C16orf86: variants seen among roughly 807,000 people sequenced by gnomAD.
C16orf86 encodes the protein uncharacterized protein C16orf86.
C16orf86 carries 19 observed loss-of-function variants against 21.5 expected under a neutral mutation model. The ratio of observed to expected loss-of-function variants is 0.88; its 90% CI spans 0.62 to 1.30. C16orf86 has a LOEUF of 1.30. Among genes scored for constraint, C16orf86 ranks in the 50% most tolerant of loss-of-function variants. The pLI is 0.00. For synonymous variants in C16orf86, 188 were observed against 183.5 expected, an observed-to-expected ratio of 1.02 and a Z score of -0.20; for missense variants, 391 against 415.8, an observed-to-expected ratio of 0.94 and a Z score of 0.52.
chr16:67,668,254 A>C lies in C16orf86; in HGVS notation c.608A>C (p.Glu203Ala), dbSNP rs1162119007. 11 of 1,604,984 alleles carry C rather than the reference A, an allele frequency of 6.9e-6. No homozygotes were observed. Among genetic ancestry groups the C allele is most frequent in the African/African-American group, 1.3e-5 (1 of 74,872 alleles). Reference sequence around the variant, plus strand: ...CAGTACGTCAACTATTGCAACCCTGAGCTGAACCAGGCAGGGAAGGGGGAC... The same window carrying C: ...CAGTACGTCAACTATTGCAACCCTGCGCTGAACCAGGCAGGGAAGGGGGAC... ...LYQYVNYCNP[E>A]LNQAGKGDGE... The change falls in exon 4 of 4, where the codon GAG becomes GCG. Residue 203 changes from glutamate to alanine, a missense_variant. Coordinates refer to ENST00000403458, the MANE Select transcript of C16orf86 (RefSeq NM_001012984.3).
At position 67,667,997 on chromosome 16, in the gene C16orf86, A is replaced by C. The variant is rs1407438735; in HGVS notation, c.452A>C (p.Lys151Thr). ...DSQSEPSPSA[K>T]QHKKAKKRKS... is the part of the protein sequence containing the mutation. Reference sequence around the variant, plus strand: ...CAGAGTGAGCCCTCACCATCTGCCAAACAGCACAAAAAAGCCAAGAAGCGC... The same window carrying C: ...CAGAGTGAGCCCTCACCATCTGCCACACAGCACAAAAAAGCCAAGAAGCGC... Residue 151 changes from lysine (K) to threonine (T), a missense_variant, in exon 3 of 4, where the codon AAA becomes ACA. Coordinates refer to ENST00000403458, the MANE Select transcript of C16orf86 (RefSeq NM_001012984.3). The C allele has an allele frequency of 6.2e-7, 1 of 1,613,590 alleles. No individual in the cohort carries two copies. Among genetic ancestry groups the C allele is most frequent in the African/African-American group, 1.3e-5 (1 of 75,066 alleles).
At position 67,667,008 on chromosome 16, in the gene C16orf86, A is replaced by G; in HGVS notation, c.38A>G (p.Gln13Arg). 2.1e-6 allele frequency: 3 copies of G among 1,453,624 alleles called. No homozygotes were observed. Among genetic ancestry groups the G allele is most frequent in the Non-Finnish European group, 2.7e-6 (3 of 1,110,658 alleles). The allele number at this position is 1,453,624 out of a possible 1,614,324, so 90.0% of individuals were successfully genotyped here. A position where few individuals can be genotyped will look rare whatever the true frequency, so the allele number is the denominator to read the frequency against. Residue 13 changes from glutamine to arginine, a missense_variant, in exon 1 of 4, where the codon CAG (glutamine) becomes CGG (arginine). Gln to Arg is a conservative substitution (Grantham distance 43). Transcript: ENST00000403458. The part of the protein sequence containing the change: ...SAGAERRPGV[Q>R]EATVVGQGQL... ...GGGGCGGAGAGGCGGCCGGGGGTCC[A>G]GGAGGCGACGGTCGTGGGGCAGGGA... is the stretch of plus-strand genomic sequence containing the variant.
In C16orf86 at chr16:67,668,099, G is replaced by C. The variant is rs1323906258; in HGVS notation, c.553+1G>C. 2 of 1,612,122 alleles carry C rather than the reference G, an allele frequency of 1.2e-6. No individual in the cohort carries two copies. The highest frequency in any genetic ancestry group is 2.7e-5 in the African/African-American group (2 of 74,900). ...CCCTTAGAGACATTGAGGCTGGAGC[G>C]TGAGTGGCAGTCCCTGGACTGTTCC... On this transcript the variant is annotated splice_donor_variant, in intron 3 of 3. Coordinates refer to ENST00000403458, the MANE Select transcript of C16orf86 (RefSeq NM_001012984.3). LOFTEE classifies it high-confidence loss of function.
At position 67,668,285 on chromosome 16, in the gene C16orf86, G is replaced by A; in HGVS notation, c.639G>A (p.Glu213=). ...ELNQAGKGDG[E]AEVEAEAELA... ...ACCAGGCAGGGAAGGGGGACGGGGA[G>A]GCTGAGGTGGAGGCAGAGGCAGAGC... Residue 213 remains glutamate (E), a synonymous_variant, in exon 4 of 4, where the codon GAG becomes GAA. Coordinates refer to ENST00000403458, the MANE Select transcript of C16orf86 (RefSeq NM_001012984.3). 1 of 1,611,562 alleles carries A rather than the reference G, an allele frequency of 6.2e-7. No individual in the cohort carries two copies. Among genetic ancestry groups the A allele is most frequent in the Non-Finnish European group, 8.5e-7 (1 of 1,179,252 alleles).
intron 2 of C16orf86, 125 bp from the exon 3 acceptor site, chr16:67,667,753 G>T: frequency 6.6e-7 from 1 of 1,515,768 alleles, no homozygotes; most frequent in Non-Finnish European, 8.8e-7. Flanking sequence ...TGGGCCTGGG[G>T]TCTCATTGAC....
At position 67,667,963 on chromosome 16, in the gene C16orf86, G is replaced by T. The variant is rs2053127056; in HGVS notation, c.418G>T (p.Glu140Ter). 6.2e-7 allele frequency: 1 copy of T among 1,613,434 alleles called. No homozygotes were observed. The change falls in exon 3 of 4, where the codon GAG (glutamate) becomes TAG (stop). Residue 140 changes from glutamate to a stop codon, truncating the protein, a stop_gained. Transcript: ENST00000403458. LOFTEE classifies it high-confidence loss of function. ...PKLPLQEEEP[E>*]DSQSEPSPSA... ...GCTGCCGCTGCAGGAGGAGGAGCCA[G>T]AGGACAGCCAGAGTGAGCCCTCACC... is the stretch of plus-strand genomic sequence containing the variant.
Position 67,667,302 on chromosome 16 carries a change from G to A in C16orf86, c.109G>A (p.Val37Met). 1 of 1,608,894 alleles carries A rather than the reference G, an allele frequency of 6.2e-7. No homozygotes were observed. The highest frequency in any genetic ancestry group is 8.5e-7 in the Non-Finnish European group (1 of 1,177,914). The change falls in exon 2 of 4, where the codon GTG becomes ATG. Residue 37 changes from valine (V) to methionine (M), a missense_variant. Val to Met is a conservative substitution (Grantham distance 21). Coordinates refer to ENST00000403458, the MANE Select transcript of C16orf86 (RefSeq NM_001012984.3). ...PGSAQTSECP[V>M]AGDQFLVPAH... ...GCCTGTGTGTCATCTCTAGTGTCCA[G>A]TGGCGGGAGACCAGTTCCTGGTGCC...
Position 67,667,996 on chromosome 16 carries a change from A to C in C16orf86, c.451A>C (p.Lys151Gln), listed in dbSNP as rs1567649436. 4 of 1,613,608 alleles carry C rather than the reference A, an allele frequency of 2.5e-6. No individual in the cohort carries two copies. Among genetic ancestry groups the C allele is most frequent in the Non-Finnish European group, 3.4e-6 (4 of 1,179,876 alleles). ...CCAGAGTGAGCCCTCACCATCTGCC[A>C]AACAGCACAAAAAAGCCAAGAAGCG... Reference protein sequence around the residue: ...DSQSEPSPSAKQHKKAKKRKS... With the variant: ...DSQSEPSPSAQQHKKAKKRKS... The change falls in exon 3 of 4, where the codon AAA (lysine) becomes CAA (glutamine). Residue 151 changes from lysine to glutamine, a missense_variant. Coordinates refer to ENST00000403458, the MANE Select transcript of C16orf86 (RefSeq NM_001012984.3).
Position 67,667,998 on chromosome 16 carries a change from A to G in C16orf86, c.453A>G (p.Lys151=). ...DSQSEPSPSA[K]QHKKAKKRKS... ...AGAGTGAGCCCTCACCATCTGCCAA[A>G]CAGCACAAAAAAGCCAAGAAGCGCA... The change falls in exon 3 of 4, where the codon AAA becomes AAG. Residue 151 remains lysine, a synonymous_variant. Coordinates refer to ENST00000403458, the MANE Select transcript of C16orf86 (RefSeq NM_001012984.3). 1 of 1,613,588 alleles carries G rather than the reference A, an allele frequency of 6.2e-7. No individual in the cohort carries two copies. The highest frequency in any genetic ancestry group is 1.3e-5 in the African/African-American group (1 of 75,070).
At position 67,668,704 on chromosome 16, in the gene C16orf86, C is replaced by A; in HGVS notation, c.*104C>A. On this transcript the variant is annotated 3_prime_UTR_variant, in exon 4 of 4. Transcript: ENST00000403458. Reference sequence around the variant, plus strand: ...GTGGCGGGGGCAAATTTGGCACCTGCCCCCACTTGGGACTTTGGTCTTGCT... The same window carrying A: ...GTGGCGGGGGCAAATTTGGCACCTGACCCCACTTGGGACTTTGGTCTTGCT... 2 of 918,432 alleles carry A rather than the reference C, an allele frequency of 2.2e-6. No individual in the cohort carries two copies. The highest frequency in any genetic ancestry group is 1.4e-5 in the South Asian group (1 of 69,288). 56.9% of individuals were successfully genotyped at this position (918,432 alleles called of 1,614,324 possible).
At position 67,668,521 on chromosome 16, in the gene C16orf86, C is replaced by A; in HGVS notation, c.875C>A (p.Ser292Ter). 6.2e-7 allele frequency: 1 copy of A among 1,613,466 alleles called. No homozygotes were observed. ...GACCACAAGGCCGAGGTGGATAAGT[C>A]AACCCAGGTGGACATCGACAAGATG... Reference protein sequence around the residue: ...VSDHKAEVDKSTQVDIDKMLS... With the variant: ...VSDHKAEVDK The change falls in exon 4 of 4, where the codon TCA (serine) becomes TAA (stop). Residue 292 changes from serine to a stop codon, truncating the protein, a stop_gained. Transcript: ENST00000403458. LOFTEE classifies it high-confidence loss of function.
At chr16:67,667,646 C>T (rs201239488) in intron 2 of C16orf86, 121 bp downstream of exon 2, 40 of 1,543,000 alleles carry the variant, frequency 2.6e-5, no homozygotes, top group Middle Eastern at 3.3e-4. Context: ...TACCATCACT[C>T]TCCTCCCGTT....
In C16orf86 at chr16:67,667,389, T is replaced by G; in HGVS notation, c.196T>G (p.Ser66Ala). 6.2e-7 allele frequency: 1 copy of G among 1,611,464 alleles called. No individual in the cohort carries two copies. Among genetic ancestry groups the G allele is most frequent in the Non-Finnish European group, 8.5e-7 (1 of 1,179,630 alleles). The change falls in exon 2 of 4, where the codon TCG (serine) becomes GCG (alanine). Residue 66 changes from serine (S) to alanine (A), a missense_variant. Coordinates refer to ENST00000403458, the MANE Select transcript of C16orf86 (RefSeq NM_001012984.3). ...DQRPAGAASE[S>A]ELQEEGPKLG... is the part of the protein sequence containing the mutation. ...GCGCCCAGCAGGCGCAGCTTCGGAG[T>G]CGGAGCTCCAGGAGGAAGGACCCAA...
Position 67,666,950 on chromosome 16 carries a change from A to T in C16orf86, c.-21A>T. 2 of 1,419,676 alleles carry T rather than the reference A, an allele frequency of 1.4e-6. No individual in the cohort carries two copies. Among genetic ancestry groups the T allele is most frequent in the Non-Finnish European group, 1.8e-6 (2 of 1,089,158 alleles). The allele number at this position is 1,419,676 out of a possible 1,614,324, so 87.9% of individuals were successfully genotyped here. ...GGCCCGCCCCAAGCAGCTGTCGAGG[A>T]CGCACTCAGCCTGCGCAGCCATGGC... On this transcript the variant is annotated 5_prime_UTR_variant, in exon 1 of 4. Transcript: ENST00000403458.
chr16:67,668,280 G>T lies in C16orf86; in HGVS notation c.634G>T (p.Gly212Trp), dbSNP rs373016602. The T allele has an allele frequency of 6.2e-7, 1 of 1,610,608 alleles. No individual in the cohort carries two copies. Among genetic ancestry groups the T allele is most frequent in the Admixed American group, 1.7e-5 (1 of 59,768 alleles). Reference protein sequence around the residue: ...PELNQAGKGDGEAEVEAEAEL... With the variant: ...PELNQAGKGDWEAEVEAEAEL... ...GCTGAACCAGGCAGGGAAGGGGGACGGGGAGGCTGAGGTGGAGGCAGAGGC... is the reference window on the plus strand; with the variant it reads ...GCTGAACCAGGCAGGGAAGGGGGACTGGGAGGCTGAGGTGGAGGCAGAGGC... Residue 212 changes from glycine (G) to tryptophan (W), a missense_variant, in exon 4 of 4, where the codon GGG (glycine) becomes TGG (tryptophan). Transcript: ENST00000403458.
Position 67,668,029 on chromosome 16 carries a change from C to T in C16orf86, c.484C>T (p.Leu162=). The change falls in exon 3 of 4, where the codon CTG becomes TTG. Residue 162 remains leucine (L), a synonymous_variant. Transcript: ENST00000403458. ...CAAAAAAGCCAAGAAGCGCAAGAGCCTGGGGGCTCCCGTGCTCCACGCTGT... is the reference window on the plus strand; with the variant it reads ...CAAAAAAGCCAAGAAGCGCAAGAGCTTGGGGGCTCCCGTGCTCCACGCTGT... ...QHKKAKKRKS[L]GAPVLHAVAS... 1 of 1,613,524 alleles carries T rather than the reference C, an allele frequency of 6.2e-7. No homozygotes were observed. The highest frequency in any genetic ancestry group is 8.5e-7 in the Non-Finnish European group (1 of 1,179,878).
chr16:67,668,133 C>A (rs1446158011), intron 3 of C16orf86, 35 bp downstream of exon 3: 2 of 1,599,232 alleles, frequency 1.3e-6, no homozygotes, highest in African/African-American at 2.7e-5. Context: ...CCTTCTCCCC[C>A]TGCCTGTGGG....
In C16orf86 at chr16:67,666,913, C is replaced by A. The variant is rs1005797462; in HGVS notation, c.-58C>A. The A allele has an allele frequency of 1.9e-5, 24 of 1,230,998 alleles. No homozygotes were observed. The highest frequency in any genetic ancestry group is 2.5e-5 in the Non-Finnish European group (23 of 928,156). 76.3% of individuals were successfully genotyped at this position (1,230,998 alleles called of 1,614,324 possible). A position where few individuals can be genotyped will look rare whatever the true frequency, so the allele number is the denominator to read the frequency against. On this transcript the variant is annotated 5_prime_UTR_variant, in exon 1 of 4. Coordinates refer to ENST00000403458, the MANE Select transcript of C16orf86 (RefSeq NM_001012984.3). ...TCCGGGGTCAGCGCGGGGCCACCAT[C>A]CAGCCCCTTGGGGCCCGCCCCAAGC...
chr16:67,668,489 G>A lies in C16orf86; in HGVS notation c.843G>A (p.Gly281=). The A allele has an allele frequency of 6.2e-7, 1 of 1,613,252 alleles. No homozygotes were observed. The highest frequency in any genetic ancestry group is 8.5e-7 in the Non-Finnish European group (1 of 1,179,840). Residue 281 remains glycine, a synonymous_variant, in exon 4 of 4, where the codon GGG becomes GGA. Transcript: ENST00000403458. ...GEEPGGLPSL[G]VSDHKAEVDK... ...AGCCTGGGGGCTTGCCCAGCTTGGGGGTGAGTGACCACAAGGCCGAGGTGG... is the reference window on the plus strand; with the variant it reads ...AGCCTGGGGGCTTGCCCAGCTTGGGAGTGAGTGACCACAAGGCCGAGGTGG...
Sources: allele counts gnomAD v4.1 joint callset, GRCh38; gene constraint gnomAD v4.1.1; transcripts MANE v1.5; gene names NCBI Gene and HGNC (gene_info 2026-07-23, HGNC 2026-07-21).